GCH1: variants seen among roughly 807,000 people sequenced by gnomAD.
GCH1 encodes GTP cyclohydrolase I.
Under a neutral mutation model 25.9 loss-of-function variants are expected in GCH1, and 5 were observed. The observed-to-expected ratio is 0.19, with a 90% CI of 0.10 to 0.41. The LOEUF is 0.41. Among genes scored for constraint, GCH1 ranks in the 10% least tolerant of loss-of-function variants. The pLI is 1.00. For missense variants in GCH1, 261 were observed against 336.5 expected (o/e 0.78, Z 1.75); for synonymous variants, 159 against 129.6 (o/e 1.23, Z -1.54).
chr14:54,896,826 A>G (rs1450156693), intron 1 of GCH1, among the ~76,000 whole-genome samples: 1 of 150,414 alleles, frequency 6.6e-6, no homozygotes, highest in Admixed American at 6.6e-5. Context: ...AGGCTGAGGC[A>G]GGAGAATGGT....
chr14:54,862,717 A>T (rs2039922482), intron 2 of GCH1, among the ~76,000 whole-genome samples: 2 of 151,016 alleles, frequency 1.3e-5, no homozygotes, highest in East Asian at 1.9e-4. Flanking sequence ...GGCCTCCCAA[A>T]GTGTTGAGAT....
intron 3 of GCH1, among the ~76,000 whole-genome samples, chr14:54,849,842 T>G (rs932522388): frequency 2.5e-4 from 38 of 152,224 alleles, no homozygotes; most frequent in Admixed American, 2.5e-3. Flanking sequence ...AATCACCGTA[T>G]TTAATCTATG....
Position 54,902,746 on chromosome 14 carries a change from C to A in GCH1, c.-83G>T. ...GCTAAACTCCGCCGGTGGCCGCGGA[C>A]AATGGGCTGTGGCCGGAGTCACCTG... On this transcript the variant is annotated 5_prime_UTR_variant, in exon 1 of 6. Transcript: ENST00000491895. 7.3e-7 allele frequency: 1 copy of A among 1,376,112 alleles called. No homozygotes were observed. Among genetic ancestry groups the A allele is most frequent in the Non-Finnish European group, 9.4e-7 (1 of 1,069,290 alleles). The allele number at this position is 1,376,112 out of a possible 1,614,324, so 85.2% of individuals were successfully genotyped here. A position where few individuals can be genotyped will look rare whatever the true frequency, so the allele number is the denominator to read the frequency against.
chr14:54,885,346 C>T (rs544415024), intron 1 of GCH1: 139 of 261,880 alleles, frequency 5.3e-4, no homozygotes, highest in South Asian at 1.4e-3. Context: ...ATCCACATTG[C>T]TCTGGGGGGC....
At chr14:54,858,430 T>C (rs1043664696) in intron 3 of GCH1, among the ~76,000 whole-genome samples, 1 of 152,046 alleles carries the variant, frequency 6.6e-6, no homozygotes, top group East Asian at 1.9e-4. Context: ...GGATTACAGG[T>C]GTGCGCCACC....
chr14:54,876,528 A>T (rs1012580405), intron 1 of GCH1, among the ~76,000 whole-genome samples: 25 of 152,092 alleles, frequency 1.6e-4, no homozygotes, highest in African/African-American at 4.8e-4. Flanking sequence ...GCATGGTGAT[A>T]TGTGCCTATA....
intron 2 of GCH1, 92 bp from the exon 3 acceptor site, chr14:54,859,828 T>G (rs1180642553): frequency 1.3e-6 from 1 of 746,988 alleles, no homozygotes; most frequent in Non-Finnish European, 2.5e-6. Flanking sequence ...TATAGTACAC[T>G]TTTATGTAAT....
intron 1 of GCH1, among the ~76,000 whole-genome samples, chr14:54,888,955 A>C (rs927827953): frequency 3.9e-5 from 6 of 152,202 alleles, no homozygotes; most frequent in Admixed American, 1.3e-4. Flanking sequence ...AAACAGCCCC[A>C]GCCCTCAAAA....
At chr14:54,881,653 T>G (rs1403734784) in intron 1 of GCH1, among the ~76,000 whole-genome samples, 1 of 152,188 alleles carries the variant, frequency 6.6e-6, no homozygotes, top group Non-Finnish European at 1.5e-5. Flanking sequence ...CACCATCTGC[T>G]GGAGTGCACA....
chr14:54,899,339 T>C (rs1223550176), intron 1 of GCH1, among the ~76,000 whole-genome samples: 1 of 152,100 alleles, frequency 6.6e-6, no homozygotes, highest in Non-Finnish European at 1.5e-5. Flanking sequence ...CACAAGCCTG[T>C]AGTTCCAGCT....
chr14:54,891,532 C>A (rs1204992108), intron 1 of GCH1, among the ~76,000 whole-genome samples: 1 of 151,812 alleles, frequency 6.6e-6, no homozygotes, highest in Non-Finnish European at 1.5e-5. Context: ...GCCTCAGCCT[C>A]CCGAGTACCT....
intron 1 of GCH1, among the ~76,000 whole-genome samples, chr14:54,872,483 A>T (rs2040095650): frequency 6.6e-6 from 1 of 152,224 alleles, no homozygotes; most frequent in African/African-American, 2.4e-5. Flanking sequence ...ACAGGATCAA[A>T]TTCACACATA....
chr14:54,884,502 G>C (rs1488812279), intron 1 of GCH1, among the ~76,000 whole-genome samples: 4 of 152,148 alleles, frequency 2.6e-5, no homozygotes, highest in Admixed American at 2.6e-4. Flanking sequence ...GGGCGCAGTG[G>C]CTCACGCCTA....
chr14:54,871,510 C>G (rs896281667), intron 1 of GCH1, among the ~76,000 whole-genome samples: 1 of 152,084 alleles, frequency 6.6e-6, no homozygotes, highest in African/African-American at 2.4e-5. Flanking sequence ...ATGACTTTGA[C>G]GAATTGAGAG....
chr14:54,855,505 C>CAAA (rs764999718), intron 3 of GCH1, among the ~76,000 whole-genome samples: 10 of 36,382 alleles, frequency 2.7e-4, no homozygotes, highest in African/African-American at 7.1e-4. Flanking sequence ...GACCCTGTCT[C>CAAA]AAAAAAAAAA....
chr14:54,887,069 T>C (rs1008523909), intron 1 of GCH1, among the ~76,000 whole-genome samples: 1 of 152,228 alleles, frequency 6.6e-6, no homozygotes, highest in Non-Finnish European at 1.5e-5. Context: ...ATTTGGCTTA[T>C]TTGAGGGAAA....
At chr14:54,852,468 T>C (rs1223575809) in intron 3 of GCH1, among the ~76,000 whole-genome samples, 1 of 152,150 alleles carries the variant, frequency 6.6e-6, no homozygotes, top group Non-Finnish European at 1.5e-5. Flanking sequence ...CACATCCACC[T>C]ACTCTCACTC....
chr14:54,861,739 C>T (rs1045831441), intron 2 of GCH1, among the ~76,000 whole-genome samples: 1 of 149,366 alleles, frequency 6.7e-6, no homozygotes, highest in Admixed American at 6.7e-5. Context: ...AAAAAAAAAT[C>T]ACTAAATAAT....
At chr14:54,881,454 GA>G (rs966285432) in intron 1 of GCH1, among the ~76,000 whole-genome samples, 13 of 151,082 alleles carry the variant, frequency 8.6e-5, no homozygotes, top group Non-Finnish European at 1.6e-4. Flanking sequence ...ATTCAAAGAG[GA>G]AAAAAAAATC....
Sources: gnomAD v4.1 joint callset for allele counts (sites outside exome capture counted in the v4.1 genomes callset) on GRCh38, gnomAD v4.1.1 for gene constraint, MANE v1.5 for transcripts, NCBI Gene and HGNC (gene_info 2026-07-23, HGNC 2026-07-21) for gene names.